The following PIP4K2B variants were observed in gnomAD, a reference collection of about 807,000 sequenced individuals.
PIP4K2B encodes phosphatidylinositol 5-phosphate 4-kinase type-2 beta.
A neutral mutation model predicts 42.0 loss-of-function variants in PIP4K2B; 3 were observed. The ratio of observed to expected loss-of-function variants is 0.07; its 90% confidence interval spans 0.03 to 0.18. The LOEUF is 0.18. Among genes scored for constraint, PIP4K2B ranks in the 10% least tolerant of loss-of-function variants. The probability of loss-of-function intolerance (pLI) is 1.00; values close to 1 mark genes in which losing one functional copy is unlikely to be tolerated. For missense variants in PIP4K2B, 332 were observed against 562.3 expected, an observed-to-expected ratio of 0.59 and a Z score of 4.14; for synonymous variants, 204 against 210.1, an observed-to-expected ratio of 0.97 and a Z score of 0.25.
chr17:38,793,504 T>A (rs879874947), intron 1 of PIP4K2B, among the ~76,000 whole-genome samples: 2 of 151,672 alleles, frequency 1.3e-5, no homozygotes, highest in Non-Finnish European at 2.9e-5. Context: ...TTGGCCTCCC[T>A]AACTGCTGGG....
At chr17:38,770,843 G>C (rs1218449521) in intron 8 of PIP4K2B, among the ~76,000 whole-genome samples, 171 bp downstream of exon 8, 1 of 152,112 alleles carries the variant, frequency 6.6e-6, no homozygotes, top group East Asian at 1.9e-4. Context: ...TGGCAGAGGA[G>C]GAGCCCCAGG....
intron 7 of PIP4K2B, among the ~76,000 whole-genome samples, chr17:38,774,702 G>A (rs983982630): frequency 7.9e-5 from 12 of 151,794 alleles, no homozygotes; most frequent in South Asian, 2.1e-4. Flanking sequence ...CCCGGGAGGC[G>A]GAGCTTGCAG....
At position 38,771,483 on chromosome 17, in the gene PIP4K2B, G is replaced by A. The variant is rs74438869; in HGVS notation, c.808-211C>T. On this transcript the variant is annotated intron_variant, in intron 7 of 9. Transcript: ENST00000619039. Reference sequence around the variant, plus strand: ...TTCAGCAGGGGAAAGGCAGGAGGTCGAGGCTGCAGTGAGCTGTGATCACAC... The same window carrying A: ...TTCAGCAGGGGAAAGGCAGGAGGTCAAGGCTGCAGTGAGCTGTGATCACAC... 2.4e-3 allele frequency among the ~76,000 whole-genome samples: 362 copies of A among 149,932 alleles called. 1 individual carries two copies. Among genetic ancestry groups the A allele is most frequent in the African/African-American group, 7.9e-3 (321 of 40,616 alleles).
At position 38,771,076 on chromosome 17, in the gene PIP4K2B, C is replaced by T. The variant is rs566981815; in HGVS notation, c.1004G>A (p.Arg335Gln). The change falls in exon 8 of 10, where the codon CGG (arginine) becomes CAG (glutamine). Residue 335 changes from arginine to glutamine, a missense_variant. Transcript: ENST00000619039. The stretch of plus-strand genomic sequence containing the variant: ...GTCGAATTCCCCAGGACCAAAGAAC[C>T]GAGGAAAGCTGAGGAGGTTGCCAGG... ...DSPGNLLSFP[R>Q]FFGPGEFDPS... 10 of 1,614,014 alleles carry T rather than the reference C, an allele frequency of 6.2e-6. No individual in the cohort carries two copies. The highest frequency in any genetic ancestry group is 2.2e-5 in the East Asian group (1 of 44,896).
intron 1 of PIP4K2B, among the ~76,000 whole-genome samples, chr17:38,791,051 C>T (rs1483367869): frequency 2.0e-5 from 3 of 151,832 alleles, no homozygotes; most frequent in African/African-American, 7.3e-5. Context: ...AAACAGGAGG[C>T]TTATAATCTC....
In PIP4K2B at chr17:38,769,725, C is replaced by T; in HGVS notation, c.1217G>A (p.Arg406His). 2 of 1,608,852 alleles carry T rather than the reference C, an allele frequency of 1.2e-6. No individual in the cohort carries two copies. The highest frequency in any genetic ancestry group is 1.7e-6 in the Non-Finnish European group (2 of 1,175,180). The change falls in exon 10 of 10, where the codon CGC becomes CAC. Residue 406 changes from arginine to histidine, a missense_variant. Physicochemically the swap from Arg to His is conservative, Grantham distance 29. Transcript: ENST00000619039. ...GATGTTGGACATAAACTCGTTGAAG[C>T]GTTTGGAGTACTGCTCAGGGTTCAC... ...STVNPEQYSK[R>H]FNEFMSNILT
At chr17:38,777,648 G>T in intron 7 of PIP4K2B, 39 bp downstream of exon 7, 2 of 1,326,966 alleles carry the variant, frequency 1.5e-6, no homozygotes, top group Non-Finnish European at 2.2e-6. Context: ...TCTAGGTACA[G>T]AAGGAGCCTT....
intron 3 of PIP4K2B, 57 bp from the exon 4 acceptor site, chr17:38,780,661 C>T (rs1567657074): frequency 1.5e-5 from 24 of 1,559,796 alleles, no homozygotes; most frequent in East Asian, 4.5e-5. Context: ...TTCTGACTTT[C>T]GCTGAGTCTT....
intron 7 of PIP4K2B, 55 bp downstream of exon 7, chr17:38,777,632 G>C: frequency 9.1e-7 from 1 of 1,101,306 alleles, no homozygotes; most frequent in Non-Finnish European, 1.4e-6. Flanking sequence ...TTTAAGAGGC[G>C]CCTACTCTAG....
intron 4 of PIP4K2B, chr17:38,779,877 A>G (rs965257100): frequency 7.7e-6 from 2 of 260,608 alleles, no homozygotes; most frequent in Non-Finnish European, 7.4e-6. Context: ...CCAGCCTGAT[A>G]TGGGAATGCC....
chr17:38,797,599 G>C (rs1042498200), intron 1 of PIP4K2B, among the ~76,000 whole-genome samples: 3 of 152,048 alleles, frequency 2.0e-5, no homozygotes, highest in African/African-American at 7.3e-5. Flanking sequence ...GTAAAATAAG[G>C]GACCCAAGGT....
Position 38,797,964 on chromosome 17 carries a change from C to T in PIP4K2B, c.159+1302G>A, listed in dbSNP as rs573459751. Among the ~76,000 whole-genome samples, 5 of 152,278 alleles carry T rather than the reference C, an allele frequency of 3.3e-5. No individual in the cohort carries two copies. The East Asian group carries it at 7.7e-4, about 23-fold the overall frequency. ...CCAGTGATGACAGTGAAAACAGTAA[C>T]CTGCCCAAGACCAAGAAACCACAGA... On this transcript the variant is annotated intron_variant, in intron 1 of 9. Coordinates refer to ENST00000619039, the MANE Select transcript of PIP4K2B (RefSeq NM_003559.5).
chr17:38,774,647 G>A (rs1157751626), intron 7 of PIP4K2B, among the ~76,000 whole-genome samples: 1 of 152,014 alleles, frequency 6.6e-6, no homozygotes, highest in East Asian at 2.0e-4. Flanking sequence ...GTGGGCGCCT[G>A]TAGTCCCAGC....
At chr17:38,788,225 G>A (rs1301566072) in intron 1 of PIP4K2B, among the ~76,000 whole-genome samples, 2 of 147,502 alleles carry the variant, frequency 1.4e-5, no homozygotes, top group African/African-American at 4.9e-5. Context: ...TTTATAGACA[G>A]AGTCTCACTG....
chr17:38,789,008 A>ACTCAGG, intron 1 of PIP4K2B, among the ~76,000 whole-genome samples: 1 of 151,468 alleles, frequency 6.6e-6, no homozygotes, highest in African/African-American at 2.4e-5. Context: ...CATCCTAGCT[A>ACTCAGG]CTCAGGAGGC....
chr17:38,787,815 CT>C (rs1228077853), intron 1 of PIP4K2B, among the ~76,000 whole-genome samples: 1 of 152,136 alleles, frequency 6.6e-6, no homozygotes, highest in African/African-American at 2.4e-5. Context: ...TCAGGCTGGT[CT>C]TGAACTCTTG....
intron 2 of PIP4K2B, among the ~76,000 whole-genome samples, chr17:38,785,350 C>A (rs937266553): frequency 6.6e-6 from 1 of 152,166 alleles, no homozygotes; most frequent in African/African-American, 2.4e-5. Flanking sequence ...ACCCCGTCTT[C>A]TAGTAAACAG....
intron 1 of PIP4K2B, among the ~76,000 whole-genome samples, chr17:38,792,236 C>A (rs1238599619): frequency 6.6e-6 from 1 of 152,146 alleles, no homozygotes; most frequent in Non-Finnish European, 1.5e-5. Context: ...GCAGCCTCAA[C>A]TTCCTGAGCT....
rs111482778 is a variant in PIP4K2B, at chr17:38,780,613, C to T, written c.355-9G>A. 38 of 1,605,726 alleles carry T rather than the reference C, an allele frequency of 2.4e-5. 1 individual carries two copies. In the African/African-American group the frequency reaches 2.5e-4, roughly 11 times the overall value. Reference sequence around the variant, plus strand: ...CTGCGCGTCACTGAATTCTGATAATCGAGACAAAAGAAGGCTGGGCTTGGC... The same window carrying T: ...CTGCGCGTCACTGAATTCTGATAATTGAGACAAAAGAAGGCTGGGCTTGGC... On this transcript the variant is annotated splice_polypyrimidine_tract_variant and intron_variant, in intron 3 of 9. Coordinates refer to ENST00000619039, the MANE Select transcript of PIP4K2B (RefSeq NM_003559.5).
Sources: allele counts gnomAD v4.1 joint callset (sites outside exome capture counted in the v4.1 genomes callset), GRCh38; gene constraint gnomAD v4.1.1; transcripts MANE v1.5; gene names NCBI Gene and HGNC (gene_info 2026-07-23, HGNC 2026-07-21).